COP1: variants seen among roughly 807,000 people sequenced by gnomAD.
COP1 encodes the protein COP1 E3 ubiquitin ligase.
A neutral mutation model predicts 101.3 loss-of-function variants in COP1; 24 were observed. The ratio of observed to expected loss-of-function variants is 0.24; its 90% CI spans 0.17 to 0.33. COP1 has a LOEUF of 0.33. COP1 is among the 10% of genes least tolerant of loss of function. The pLI, the probability that COP1 is intolerant of heterozygous loss-of-function variation, is 1.00. For missense variants in COP1, 663 were observed against 906.2 expected (o/e 0.73, Z 3.45); for synonymous variants, 347 against 341.9 (o/e 1.01, Z -0.17).
intron 1 of COP1, among the ~76,000 whole-genome samples, chr1:176,196,930 T>G (rs1572804417): frequency 5.2e-5 from 7 of 135,794 alleles, no homozygotes; most frequent in South Asian, 2.3e-4. Flanking sequence ...AAAGAAAGAG[T>G]GAAACCAGCA....
intron 9 of COP1, among the ~76,000 whole-genome samples, chr1:176,101,498 A>G: frequency 6.6e-6 from 1 of 152,042 alleles, no homozygotes; most frequent in East Asian, 1.9e-4. Flanking sequence ...CTCCCCTTGG[A>G]TGCATCTTCC....
chr1:176,188,938 GAGAA>G lies in COP1; in HGVS notation c.408-4250_408-4247del, dbSNP rs368981311. Among the ~76,000 whole-genome samples, 401 of 152,248 alleles carry G rather than the reference GAGAA, an allele frequency of 2.6e-3. 3 individuals are homozygous for G. Among genetic ancestry groups the G allele is most frequent in the African/African-American group, 9.2e-3 (381 of 41,540 alleles). On this transcript the variant is annotated intron_variant, in intron 1 of 19. Coordinates refer to ENST00000367669, the MANE Select transcript of COP1 (RefSeq NM_022457.7). ...CATGTAATTGAAGTCACAGATGACA[GAGAA>G]AGAGTTAGGAAAAAATATGTAGAGA...
chr1:176,121,864 A>G (rs939554546), intron 8 of COP1, among the ~76,000 whole-genome samples: 6 of 152,076 alleles, frequency 3.9e-5, no homozygotes, highest in Non-Finnish European at 8.8e-5. Context: ...GCCTTAAAAA[A>G]AAAAGTTTGG....
At chr1:176,172,198 T>A (rs1199028518) in intron 3 of COP1, among the ~76,000 whole-genome samples, 1 of 152,130 alleles carries the variant, frequency 6.6e-6, no homozygotes, top group African/African-American at 2.4e-5. Context: ...AACAGCTGCA[T>A]ACCAACACGC....
At chr1:176,143,333 A>G (rs1333111146) in intron 6 of COP1, among the ~76,000 whole-genome samples, 1 of 152,230 alleles carries the variant, frequency 6.6e-6, no homozygotes, top group Non-Finnish European at 1.5e-5. Context: ...AACCTTAATA[A>G]GAATGTAACT....
At chr1:175,981,688 A>C (rs1655906203) in intron 18 of COP1, among the ~76,000 whole-genome samples, 1 of 152,174 alleles carries the variant, frequency 6.6e-6, no homozygotes, top group Admixed American at 6.5e-5. Context: ...CCTCACAACA[A>C]AGGAAACAAC....
intron 1 of COP1, among the ~76,000 whole-genome samples, 194 bp from the exon 2 acceptor site, chr1:176,184,886 G>A (rs1184439072): frequency 1.3e-5 from 2 of 152,022 alleles, no homozygotes; most frequent in Non-Finnish European, 2.9e-5. Flanking sequence ...ATGATGATTT[G>A]TTCAGGATGA....
chr1:176,076,728 T>C (rs1189644399), intron 11 of COP1, among the ~76,000 whole-genome samples: 1 of 151,208 alleles, frequency 6.6e-6, no homozygotes, highest in Non-Finnish European at 1.5e-5. Context: ...ACTAACAAGA[T>C]TAACAAAGAA....
In COP1 at chr1:176,206,615, C is replaced by T; in HGVS notation, c.364G>A (p.Gly122Arg). Residue 122 changes from glycine (G) to arginine (R), a missense_variant, in exon 1 of 20, where the codon GGG (glycine) becomes AGG (arginine). Physicochemically the swap from Gly to Arg is moderately radical, Grantham distance 125. Transcript: ENST00000367669. ...TTGTCCTCGTAGGAGTTGATGAGCC[C>T]GTTGCAGAGGGGGGCGAGGAGAGGT... is the stretch of plus-strand genomic sequence containing the variant. Reference protein sequence around the residue: ...KRPLLAPLCNGLINSYEDKSN... With the variant: ...KRPLLAPLCNRLINSYEDKSN... 6.2e-7 allele frequency: 1 copy of T among 1,612,114 alleles called. No homozygotes were observed. Among genetic ancestry groups the T allele is most frequent in the South Asian group, 1.1e-5 (1 of 91,072 alleles).
At position 176,206,916 on chromosome 1, in the gene COP1, G is replaced by A. The variant is rs1210968451; in HGVS notation, c.63C>T (p.Ala21=). The change falls in exon 1 of 20, where the codon GCC becomes GCT. Residue 21 remains alanine, a synonymous_variant. Coordinates refer to ENST00000367669, the MANE Select transcript of COP1 (RefSeq NM_022457.7). ...SAGTSPGSSA[A]SSVTSASSSL... is the part of the protein sequence containing the mutation. ...ACGAGGAGGCGGAAGTCACCGAGGA[G>A]GCCGCCGAGGACCCGGGGCTTGTCC... 8.2e-6 allele frequency: 12 copies of A among 1,464,218 alleles called. No individual in the cohort carries two copies. The highest frequency in any genetic ancestry group is 1.1e-5 in the Non-Finnish European group (12 of 1,113,546). The allele number at this position is 1,464,218 out of a possible 1,614,324, so 90.7% of individuals were successfully genotyped here.
chr1:176,041,006 T>G (rs976095974), intron 14 of COP1, among the ~76,000 whole-genome samples: 8 of 152,116 alleles, frequency 5.3e-5, no homozygotes, highest in Non-Finnish European at 1.0e-4. Context: ...AAACAGTGAA[T>G]AGTAAAGATG....
chr1:176,054,894 G>A (rs778369860), intron 11 of COP1, among the ~76,000 whole-genome samples: 2 of 152,062 alleles, frequency 1.3e-5, no homozygotes, highest in East Asian at 1.9e-4. Context: ...CTCTCCTCTC[G>A]TTCTCTTTAA....
At chr1:176,173,034 CA>C (rs1463275467) in intron 3 of COP1, among the ~76,000 whole-genome samples, 1 of 152,126 alleles carries the variant, frequency 6.6e-6, no homozygotes, top group Non-Finnish European at 1.5e-5. Flanking sequence ...GTAATTGGGC[CA>C]GGGGCGGTGG....
chr1:176,167,168 G>A (rs1330583719), intron 3 of COP1, among the ~76,000 whole-genome samples: 1 of 152,106 alleles, frequency 6.6e-6, no homozygotes, highest in Non-Finnish European at 1.5e-5. Flanking sequence ...AAAGTCATTA[G>A]AGTCACACAC....
At position 175,989,480 on chromosome 1, in the gene COP1, C is replaced by CTAAA; in HGVS notation, c.1730-5_1730-2dup. ...AGATCATAGTAGTGGACACAGTGATCTAAAACAAAACAAAATTAGATAAAT... is the reference window on the plus strand; with the variant it reads ...AGATCATAGTAGTGGACACAGTGATCTAAATAAAACAAAACAAAATTAGATAAAT... On this transcript the variant is annotated splice_acceptor_variant, in intron 15 of 19. Coordinates refer to ENST00000367669, the MANE Select transcript of COP1 (RefSeq NM_022457.7). LOFTEE classifies it high-confidence loss of function. 3.4e-6 allele frequency: 5 copies of CTAAA among 1,487,362 alleles called. No individual in the cohort carries two copies. The highest frequency in any genetic ancestry group is 4.7e-6 in the Non-Finnish European group (5 of 1,067,562). The allele number at this position is 1,487,362 out of a possible 1,614,324, so 92.1% of individuals were successfully genotyped here. A position where few individuals can be genotyped will look rare whatever the true frequency, so the allele number is the denominator to read the frequency against.
chr1:176,081,675 G>A (rs997809144), intron 10 of COP1, among the ~76,000 whole-genome samples: 1 of 151,964 alleles, frequency 6.6e-6, no homozygotes, highest in African/African-American at 2.4e-5. Flanking sequence ...GTGTTTACTG[G>A]CACACATATT....
At chr1:175,951,110 G>T (rs1348274238) in intron 18 of COP1, among the ~76,000 whole-genome samples, 1 of 151,918 alleles carries the variant, frequency 6.6e-6, no homozygotes, top group African/African-American at 2.4e-5. Flanking sequence ...TTAGCCAGGC[G>T]TGGTGGCACA....
At chr1:176,124,973 G>A (rs1687773969) in intron 8 of COP1, among the ~76,000 whole-genome samples, 1 of 152,126 alleles carries the variant, frequency 6.6e-6, no homozygotes, top group African/African-American at 2.4e-5. Flanking sequence ...ACTGAGGTGA[G>A]ATGATATTTC....
chr1:176,059,187 T>C (rs1571989048), intron 11 of COP1, among the ~76,000 whole-genome samples: 2 of 152,262 alleles, frequency 1.3e-5, no homozygotes, highest in South Asian at 4.1e-4. Flanking sequence ...ATTTTGGAGC[T>C]CACTCACTAT....
Sources: allele counts gnomAD v4.1 joint callset (sites outside exome capture counted in the v4.1 genomes callset), GRCh38; gene constraint gnomAD v4.1.1; transcripts MANE v1.5; gene names NCBI Gene and HGNC (gene_info 2026-07-23, HGNC 2026-07-21).